PRDM15: variants seen among roughly 807,000 people sequenced by gnomAD.
The protein encoded by PRDM15 is PR/SET domain 15.
Under a neutral mutation model 128.6 loss-of-function variants are expected in PRDM15, and 64 were observed. The observed-to-expected ratio is 0.50, with a 90% CI of 0.41 to 0.61. The LOEUF is 0.61. PRDM15 is among the 20% of genes least tolerant of loss of function. PRDM15 has a pLI of 0.00. For synonymous variants in PRDM15, 615 were observed against 621.8 expected, an observed-to-expected ratio of 0.99 and a Z score of 0.16; for missense variants, 1,242 against 1,569.1, an observed-to-expected ratio of 0.79 and a Z score of 3.52.
chr21:41,805,470 A>T (rs1341485594), intron 21 of PRDM15, among the ~76,000 whole-genome samples: 1 of 152,192 alleles, frequency 6.6e-6, no homozygotes, highest in African/African-American at 2.4e-5. Context: ...CATTTAAAAA[A>T]GGAGAGAAGT....
rs1268768257 is a variant in PRDM15 at position 41,871,356 on chromosome 21, C to T, written c.-10+7914G>A. The T allele has an allele frequency of 9.2e-6, 3 of 326,044 alleles. No homozygotes were observed. The East Asian group carries it at 1.7e-4, about 19-fold the overall frequency. 20.2% of individuals were successfully genotyped at this position (326,044 alleles called of 1,614,324 possible). On this transcript the variant is annotated intron_variant, in intron 1 of 23. Transcript: ENST00000398548. ...TCCCCCCACCCCCACCCCCCAACCT[C>T]CTGCACCACCACCTCTGCCTCTGCC...
intron 11 of PRDM15, among the ~76,000 whole-genome samples, chr21:41,830,555 CCA>C (rs2062651697): frequency 6.6e-6 from 1 of 150,650 alleles, no homozygotes; most frequent in South Asian, 2.1e-4. Context: ...ATCACACATA[CCA>C]CAAATACACT....
intron 5 of PRDM15, among the ~76,000 whole-genome samples, chr21:41,850,937 C>T (rs138744199): frequency 9.7e-4 from 148 of 152,284 alleles, no homozygotes; most frequent in African/African-American, 3.3e-3. Flanking sequence ...ATCAAAGAGA[C>T]AGAATTAAGT....
At chr21:41,839,206 G>A (rs1477195338) in intron 7 of PRDM15, among the ~76,000 whole-genome samples, 1 of 152,210 alleles carries the variant, frequency 6.6e-6, no homozygotes, top group Non-Finnish European at 1.5e-5. Context: ...AGGAGAAGGA[G>A]CCACAGATAA....
chr21:41,873,509 AT>A (rs1179932290), intron 1 of PRDM15, among the ~76,000 whole-genome samples: 2 of 152,130 alleles, frequency 1.3e-5, no homozygotes, highest in Non-Finnish European at 2.9e-5. Flanking sequence ...TACCTCCAGA[AT>A]CTTTCAGAAT....
chr21:41,801,095 G>C lies in PRDM15; in HGVS notation c.*145C>G, dbSNP rs191960107. The C allele has an allele frequency of 8.5e-7, 1 of 1,175,200 alleles. No homozygotes were observed. Among genetic ancestry groups the C allele is most frequent in the African/African-American group, 1.5e-5 (1 of 65,444 alleles). 72.8% of individuals were successfully genotyped at this position (1,175,200 alleles called of 1,614,324 possible). ...CTGACAGACCGTAATGGTTGCTGGC[G>C]GGGGATCTGGAGATACTCTGCAAAG... On this transcript the variant is annotated 3_prime_UTR_variant, in exon 24 of 24. Coordinates refer to ENST00000398548, the MANE Select transcript of PRDM15 (RefSeq NM_001040424.3).
chr21:41,857,143 G>A, intron 4 of PRDM15, 33 bp downstream of exon 4: 1 of 1,593,140 alleles, frequency 6.3e-7, no homozygotes, highest in Non-Finnish European at 8.6e-7. Context: ...AAAACACCCA[G>A]TTCCTGAGCT....
intron 5 of PRDM15, 127 bp from the exon 6 acceptor site, chr21:41,847,318 G>T: frequency 1.6e-6 from 1 of 633,296 alleles, no homozygotes; most frequent in South Asian, 2.0e-5. Context: ...GCAGCAGACG[G>T]GCCTGTGGTC....
chr21:41,874,519 A>ATTTTTT lies in PRDM15; in HGVS notation c.-10+4750_-10+4751insAAAAAA, dbSNP rs1453363784. 5.4e-3 allele frequency among the ~76,000 whole-genome samples: 271 copies of ATTTTTT among 50,544 alleles called. 1 individual carries two copies. Among genetic ancestry groups the ATTTTTT allele is most frequent in the African/African-American group, 0.017 (263 of 15,282 alleles). The allele number at this position is 50,544 out of a possible 152,430, so 33.2% of individuals were successfully genotyped here. On this transcript the variant is annotated intron_variant, in intron 1 of 23. Transcript: ENST00000398548. ...GCAGCATGCATATATATATATATATATATATATTTTTTTTTTTTTTTGAAA... is the reference window on the plus strand; with the variant it reads ...GCAGCATGCATATATATATATATATATTTTTTTATATATTTTTTTTTTTTTTTGAAA...
At chr21:41,830,609 TACAC>T (rs1168154537) in intron 11 of PRDM15, among the ~76,000 whole-genome samples, 1 of 148,896 alleles carries the variant, frequency 6.7e-6, no homozygotes, top group Non-Finnish European at 1.5e-5. Flanking sequence ...ACACACCACA[TACAC>T]ACAAACACAC....
intron 1 of PRDM15, chr21:41,861,666 AC>A (rs2063817014): frequency 6.2e-7 from 1 of 1,613,738 alleles, no homozygotes; most frequent in Middle Eastern, 1.7e-4. Flanking sequence ...CACGCCCTCC[AC>A]CCCGCTCATC....
rs62216235 is a variant in PRDM15 at position 41,821,727 on chromosome 21, C to T, written c.1896+176G>A. 0.2 allele frequency among the ~76,000 whole-genome samples: 30,110 copies of T among 152,210 alleles called. 3,047 individuals carry two copies. The highest frequency in any genetic ancestry group is 0.33 in the East Asian group (1,695 of 5,160). ...CCAAGGTGACACAGGCTGGCCTTCC[C>T]AGGCACAAGTGATGGACAGGCACCC... On this transcript the variant is annotated intron_variant, in intron 15 of 23. Transcript: ENST00000398548. The surrounding 1 kb of genome is among the most constrained non-coding windows in gnomAD (Gnocchi z 5.4).
intron 1 of PRDM15, among the ~76,000 whole-genome samples, chr21:41,866,871 C>G (rs1477748867): frequency 3.9e-5 from 6 of 152,202 alleles, no homozygotes; most frequent in Non-Finnish European, 1.5e-5. Flanking sequence ...GCTGGACCAC[C>G]TGACCCGCAT....
chr21:41,868,845 A>T (rs894395162), intron 1 of PRDM15, among the ~76,000 whole-genome samples: 2 of 151,808 alleles, frequency 1.3e-5, no homozygotes, highest in Non-Finnish European at 2.9e-5. Flanking sequence ...GCCCACCACC[A>T]TGCCCAGCTA....
chr21:41,830,107 AAC>A (rs2062630880), intron 11 of PRDM15, among the ~76,000 whole-genome samples: 1 of 151,090 alleles, frequency 6.6e-6, no homozygotes, highest in Non-Finnish European at 1.5e-5. Flanking sequence ...CCACAAACTC[AAC>A]ACACACCACA....
At chr21:41,836,336 C>T (rs918596168) in intron 9 of PRDM15, 129 bp from the exon 10 acceptor site, 32 of 1,284,118 alleles carry the variant, frequency 2.5e-5, no homozygotes, top group Non-Finnish European at 3.3e-5. Context: ...AGATGATCGC[C>T]CACAAATGCA....
rs1484207740 is a variant in PRDM15, at chr21:41,823,373, C to T, written c.1706G>A (p.Gly569Glu). The T allele has an allele frequency of 1.3e-6, 2 of 1,592,394 alleles. No individual in the cohort carries two copies. Among genetic ancestry groups the T allele is most frequent in the East Asian group, 2.3e-5 (1 of 43,320 alleles). Reference sequence around the variant, plus strand: ...CACATCCACGCGGAAGAACTTGCGCCCGCAGATCTCGCAGGTGTACTTCTT... The same window carrying T: ...CACATCCACGCGGAAGAACTTGCGCTCGCAGATCTCGCAGGTGTACTTCTT... Reference protein sequence around the residue: ...GDKKYTCEICGRKFFRVDVLR... With the variant: ...GDKKYTCEICERKFFRVDVLR... The change falls in exon 14 of 24, where the codon GGG becomes GAG. Residue 569 changes from glycine to glutamate, a missense_variant. By Grantham distance (98) the Gly-to-Glu change is moderately conservative. Around this residue, in one of 3 missense-constraint regions of PRDM15, gnomAD observed 28 missense variants for 63.8 expected, o/e 0.44. Transcript: ENST00000398548.
At chr21:41,820,926 G>T in intron 16 of PRDM15, 141 bp downstream of exon 16, 2 of 1,083,458 alleles carry the variant, frequency 1.8e-6, no homozygotes, top group Non-Finnish European at 2.8e-6. Context: ...GAGCCCTGCT[G>T]CGCCCCCAGC....
chr21:41,808,995 C>T (rs2061769357), intron 21 of PRDM15, among the ~76,000 whole-genome samples: 1 of 152,216 alleles, frequency 6.6e-6, no homozygotes, highest in South Asian at 2.1e-4. Context: ...AATCTAAAAC[C>T]CCCCGCCCCC....
Sources: allele counts gnomAD v4.1 joint callset (sites outside exome capture counted in the v4.1 genomes callset), GRCh38; gene constraint gnomAD v4.1.1; regional missense constraint gnomAD v4.1.1; non-coding constraint Gnocchi (gnomAD v3.1); transcripts MANE v1.5; gene names NCBI Gene and HGNC (gene_info 2026-07-23, HGNC 2026-07-21).